RGS6: variants seen among roughly 807,000 people sequenced by gnomAD.
RGS6 encodes regulator of G protein signaling 6.
RGS6 carries 30 observed loss-of-function variants against 78.5 expected under a neutral mutation model. That is an observed-to-expected ratio of 0.38 (90% CI 0.29 to 0.52). RGS6 has a LOEUF of 0.52. RGS6 is among the 20% of genes least tolerant of loss of function. The pLI is 0.85. For missense variants in RGS6, 495 were observed against 609.7 expected (o/e 0.81, Z 1.98); for synonymous variants, 206 against 206.0 (o/e 1.00, Z 0.00).
intron 2 of RGS6, among the ~76,000 whole-genome samples, chr14:72,159,718 T>A (rs764795288): frequency 6.6e-6 from 1 of 152,138 alleles, no homozygotes; most frequent in East Asian, 1.9e-4. Context: ...TGGCTCCTAA[T>A]GAAACACTCA....
the RGS6 span, among the ~76,000 whole-genome samples, chr14:71,917,777 A>T: frequency 6.6e-6 from 1 of 152,186 alleles, no homozygotes; most frequent in Non-Finnish European, 1.5e-5. Flanking sequence ...TGATCATTTA[A>T]TGATTCTCCC....
At position 72,409,652 on chromosome 14, in the gene RGS6, T is replaced by G. The variant is rs12590568; in HGVS notation, c.185-44876T>G. Among the ~76,000 whole-genome samples, 93 of 152,258 alleles carry G rather than the reference T, an allele frequency of 6.1e-4. No individual in the cohort carries two copies. The East Asian group carries it at 0.014, about 24-fold the overall frequency. On this transcript the variant is annotated intron_variant, in intron 3 of 17. Coordinates refer to ENST00000553525, the MANE Select transcript of RGS6 (RefSeq NM_001204424.2). ...ATATGTATACATGGCCATGTTGGTG[T>G]GCTGCACCCATTAACTCATCATTTA... is the stretch of plus-strand genomic sequence containing the variant.
intron 2 of RGS6, among the ~76,000 whole-genome samples, chr14:72,325,585 TC>T (rs1159425313): frequency 1.3e-5 from 2 of 152,216 alleles, no homozygotes; most frequent in Non-Finnish European, 2.9e-5. Context: ...TAGCCAGTTT[TC>T]CCAGCACCAT....
chr14:72,148,310 A>T (rs7153442), intron 2 of RGS6, among the ~76,000 whole-genome samples: 75,865 of 151,662 alleles, frequency 0.5, 19,116 homozygotes, highest in Middle Eastern at 0.59. Flanking sequence ...GGGTGGGAAG[A>T]TCACTTGTGT....
intron 2 of RGS6, among the ~76,000 whole-genome samples, chr14:72,322,974 T>C (rs1677191708): frequency 6.6e-6 from 1 of 152,110 alleles, no homozygotes; most frequent in South Asian, 2.1e-4. Context: ...GTGTCATTAA[T>C]GTCGGCTACA....
chr14:72,602,469 A>G, the RGS6 span, among the ~76,000 whole-genome samples: 4 of 152,124 alleles, frequency 2.6e-5, no homozygotes, highest in African/African-American at 9.7e-5. Flanking sequence ...GTTATGTAGC[A>G]TGGCCGCCAC....
the RGS6 span, among the ~76,000 whole-genome samples, chr14:71,903,286 C>G: frequency 6.6e-6 from 1 of 152,228 alleles, no homozygotes; most frequent in Non-Finnish European, 1.5e-5. Context: ...TCCTTGAGAA[C>G]AAGGCTCTTC....
At position 72,562,802 on chromosome 14, in the gene RGS6, A is replaced by C. The variant is rs915908207; in HGVS notation, c.*335A>C. 1.4e-6 allele frequency: 2 copies of C among 1,453,340 alleles called. No homozygotes were observed. Among genetic ancestry groups the C allele is most frequent in the Non-Finnish European group, 1.9e-6 (2 of 1,071,448 alleles). The allele number at this position is 1,453,340 out of a possible 1,614,324, so 90.0% of individuals were successfully genotyped here. A position where few individuals can be genotyped will look rare whatever the true frequency, so the allele number is the denominator to read the frequency against. Reference sequence around the variant, plus strand: ...TCGTGGGGTTCCTGTCACGACTATCACTTGAGATTATATTATTATCCTCAC... The same window carrying C: ...TCGTGGGGTTCCTGTCACGACTATCCCTTGAGATTATATTATTATCCTCAC... On this transcript the variant is annotated 3_prime_UTR_variant, in exon 18 of 18. Coordinates refer to ENST00000553525, the MANE Select transcript of RGS6 (RefSeq NM_001204424.2).
At chr14:71,869,260 C>T in the RGS6 span, among the ~76,000 whole-genome samples, 2 of 152,180 alleles carry the variant, frequency 1.3e-5, no homozygotes, top group Non-Finnish European at 2.9e-5. Flanking sequence ...AGTGTTAGCA[C>T]TGAAGATGCT....
chr14:71,939,383 T>C (rs1300918924), intron 1 of RGS6, among the ~76,000 whole-genome samples: 1 of 152,196 alleles, frequency 6.6e-6, no homozygotes, highest in East Asian at 1.9e-4. Context: ...TGCTACCTCT[T>C]GTTCTCTGGA....
intron 2 of RGS6, among the ~76,000 whole-genome samples, chr14:72,131,010 A>G (rs1223196919): frequency 2.6e-5 from 4 of 152,184 alleles, no homozygotes; most frequent in Non-Finnish European, 5.9e-5. Context: ...GCCTTGGGGA[A>G]AGCTCAACTC....
chr14:72,011,349 A>G (rs567089792), intron 2 of RGS6, among the ~76,000 whole-genome samples: 1 of 152,252 alleles, frequency 6.6e-6, no homozygotes, highest in African/African-American at 2.4e-5. Flanking sequence ...CGAAAGTGAA[A>G]TTGTGGCCTC....
the RGS6 span, among the ~76,000 whole-genome samples, chr14:71,906,325 G>C: frequency 6.6e-6 from 1 of 152,144 alleles, no homozygotes; most frequent in East Asian, 1.9e-4. Flanking sequence ...TGCACAGTTG[G>C]GGGCTCTGTT....
Position 72,454,582 on chromosome 14 carries a change from C to G in RGS6, c.235+4C>G, listed in dbSNP as rs1566888835. The G allele has an allele frequency of 1.2e-6, 2 of 1,613,674 alleles. No homozygotes were observed. Among genetic ancestry groups the G allele is most frequent in the Non-Finnish European group, 8.5e-7 (1 of 1,179,676 alleles). On this transcript the variant is annotated splice_donor_region_variant and intron_variant, in intron 4 of 17. Coordinates refer to ENST00000553525, the MANE Select transcript of RGS6 (RefSeq NM_001204424.2). ...AACCTTTCCATTGAGGACCCAGGTA[C>G]TTGACCTTTGACCCCACCCTTATCT... is the stretch of plus-strand genomic sequence containing the variant.
chr14:71,967,269 G>A (rs2093580117), intron 2 of RGS6, among the ~76,000 whole-genome samples: 2 of 151,716 alleles, frequency 1.3e-5, no homozygotes, highest in African/African-American at 2.4e-5. Flanking sequence ...GGTTCAGTCT[G>A]TTAGAAAGAA....
intron 2 of RGS6, among the ~76,000 whole-genome samples, chr14:72,009,709 A>G (rs4899413): frequency 0.07 from 10,640 of 152,236 alleles, 849 homozygotes; most frequent in East Asian, 0.21. Context: ...AAACCATAGG[A>G]TAATAAATAT....
chr14:71,972,727 G>A (rs1270600754), intron 2 of RGS6, among the ~76,000 whole-genome samples: 1 of 152,112 alleles, frequency 6.6e-6, no homozygotes, highest in Non-Finnish European at 1.5e-5. Flanking sequence ...CAGGAATCCA[G>A]GTGAGGAAAA....
intron 2 of RGS6, among the ~76,000 whole-genome samples, chr14:72,295,827 C>T (rs2064697529): frequency 2.0e-5 from 3 of 152,232 alleles, no homozygotes; most frequent in African/African-American, 7.2e-5. Flanking sequence ...AGCACATCAG[C>T]TGTGCATTTA....
intron 2 of RGS6, among the ~76,000 whole-genome samples, chr14:72,055,437 A>C (rs1567112921): frequency 6.6e-6 from 1 of 152,216 alleles, no homozygotes; most frequent in Non-Finnish European, 1.5e-5. Flanking sequence ...GCTAGAAAAC[A>C]AAGTATCATG....
Sources: gnomAD v4.1 joint callset for allele counts (sites outside exome capture counted in the v4.1 genomes callset) on GRCh38, gnomAD v4.1.1 for gene constraint, MANE v1.5 for transcripts, NCBI Gene and HGNC (gene_info 2026-07-23, HGNC 2026-07-21) for gene names.